PRDM5: variants seen among roughly 807,000 people sequenced by gnomAD.
PRDM5 encodes the protein PR/SET domain 5.
Under a neutral mutation model 81.2 loss-of-function variants are expected in PRDM5, and 56 were observed. That is an observed-to-expected ratio of 0.69 (90% CI 0.56 to 0.86). PRDM5 has a LOEUF of 0.86. Among genes scored for constraint, PRDM5 ranks in the 40% least tolerant of loss-of-function variants. The pLI is 0.00. For synonymous variants in PRDM5, 267 were observed against 256.4 expected (o/e 1.04, Z -0.39); for missense variants, 697 against 770.1 (o/e 0.91, Z 1.12).
chr4:120,721,310 C>A (rs1738568172), intron 14 of PRDM5, among the ~76,000 whole-genome samples: 1 of 152,186 alleles, frequency 6.6e-6, no homozygotes, highest in African/African-American at 2.4e-5. Context: ...ACCTAGGGAT[C>A]TTTTTAAAAA....
chr4:120,892,948 G>A (rs1483307752), intron 2 of PRDM5, among the ~76,000 whole-genome samples: 1 of 152,208 alleles, frequency 6.6e-6, no homozygotes, highest in African/African-American at 2.4e-5. Context: ...CCAGAAGTTG[G>A]CACTAAGCCC....
chr4:120,802,222 T>G (rs1005124479), intron 8 of PRDM5, among the ~76,000 whole-genome samples: 1 of 152,140 alleles, frequency 6.6e-6, no homozygotes, highest in Admixed American at 6.5e-5. Context: ...TAGTGAAAAA[T>G]TCAAGCTAAA....
At chr4:120,747,749 A>T (rs1743350921) in intron 14 of PRDM5, among the ~76,000 whole-genome samples, 1 of 152,246 alleles carries the variant, frequency 6.6e-6, no homozygotes, top group Non-Finnish European at 1.5e-5. Flanking sequence ...TGTTACTTGT[A>T]ACCACTGGCA....
At chr4:120,869,333 T>C (rs1325540326) in intron 2 of PRDM5, among the ~76,000 whole-genome samples, 1 of 152,202 alleles carries the variant, frequency 6.6e-6, no homozygotes, top group African/African-American at 2.4e-5. Flanking sequence ...TGCATACTTT[T>C]TCAGCAGTGT....
chr4:120,911,443 T>C (rs1333294069), intron 1 of PRDM5, among the ~76,000 whole-genome samples: 1 of 152,242 alleles, frequency 6.6e-6, no homozygotes, highest in Admixed American at 6.5e-5. Flanking sequence ...TAATGGAGCA[T>C]CTTTGTTTTT....
intron 13 of PRDM5, among the ~76,000 whole-genome samples, chr4:120,755,391 C>T (rs1230266271): frequency 2.6e-5 from 4 of 152,194 alleles, no homozygotes; most frequent in Non-Finnish European, 4.4e-5. Context: ...CTCAAAATCA[C>T]TAATTGATTT....
Position 120,850,224 on chromosome 4 carries a change from A to C in PRDM5, c.300+3194T>G, listed in dbSNP as rs183135959. ...CATTTACTCCACTCCTGGGATATAC[A>C]GCTCAAATAAAAAATTTCCTGAATA... On this transcript the variant is annotated intron_variant, in intron 3 of 15. Coordinates refer to ENST00000264808, the MANE Select transcript of PRDM5 (RefSeq NM_018699.4). Among the ~76,000 whole-genome samples, 46 of 152,186 alleles carry C rather than the reference A, an allele frequency of 3.0e-4. No individual in the cohort carries two copies. In the East Asian group the frequency reaches 5.8e-3, roughly 19 times the overall value.
intron 3 of PRDM5, among the ~76,000 whole-genome samples, chr4:120,830,807 A>C (rs1756622055): frequency 6.6e-6 from 1 of 152,100 alleles, no homozygotes; most frequent in South Asian, 2.1e-4. Flanking sequence ...GAAACAGTTT[A>C]GTATGATTCC....
At chr4:120,811,518 G>A (rs530673238) in intron 7 of PRDM5, 69 bp from the exon 8 acceptor site, 219 of 941,446 alleles carry the variant, frequency 2.3e-4, no homozygotes, top group Non-Finnish European at 3.5e-4. Flanking sequence ...ATAGTGTTTC[G>A]AGGTGATATG....
In PRDM5 at chr4:120,922,665, G is replaced by A. The variant is rs1022148529; in HGVS notation, c.-57C>T. 26 of 1,558,286 alleles carry A rather than the reference G, an allele frequency of 1.7e-5. No homozygotes were observed. The Admixed American group carries it at 2.5e-4, about 15-fold the overall frequency. ...AACACCGGCGCTTAGCGCCCGGCAGGCGGCACATCGAAATTTGGGGTGCCA... is the reference window on the plus strand; with the variant it reads ...AACACCGGCGCTTAGCGCCCGGCAGACGGCACATCGAAATTTGGGGTGCCA... On this transcript the variant is annotated 5_prime_UTR_variant, in exon 1 of 16. Coordinates refer to ENST00000264808, the MANE Select transcript of PRDM5 (RefSeq NM_018699.4).
chr4:120,741,564 G>T (rs1176275920), intron 14 of PRDM5, among the ~76,000 whole-genome samples: 1 of 151,882 alleles, frequency 6.6e-6, no homozygotes, highest in Non-Finnish European at 1.5e-5. Flanking sequence ...AGGTCAGTGG[G>T]TGCGCGCACT....
chr4:120,741,996 T>C (rs974390724), intron 14 of PRDM5, among the ~76,000 whole-genome samples: 4 of 152,176 alleles, frequency 2.6e-5, no homozygotes, highest in East Asian at 1.9e-4. Context: ...AACAAAAAGA[T>C]AGCAGTAACC....
chr4:120,736,906 A>T (rs538816159), intron 14 of PRDM5, among the ~76,000 whole-genome samples: 36 of 152,214 alleles, frequency 2.4e-4, no homozygotes, highest in Admixed American at 9.8e-4. Flanking sequence ...ATAATTTGCA[A>T]AAGTCTACTT....
chr4:120,879,175 TGTG>T (rs1280739622), intron 2 of PRDM5, among the ~76,000 whole-genome samples: 1 of 152,164 alleles, frequency 6.6e-6, no homozygotes, highest in Admixed American at 6.6e-5. Flanking sequence ...ATAAAGGAAC[TGTG>T]GTACATCCAT....
At chr4:120,893,461 C>T (rs1764281636) in intron 2 of PRDM5, among the ~76,000 whole-genome samples, 1 of 152,188 alleles carries the variant, frequency 6.6e-6, no homozygotes, top group African/African-American at 2.4e-5. Context: ...TGGCCCATCC[C>T]CCAAGACTGC....
At chr4:120,699,191 TA>T (rs1560889989) in intron 15 of PRDM5, among the ~76,000 whole-genome samples, 19,913 of 122,864 alleles carry the variant, frequency 0.16, 2,249 homozygotes, top group East Asian at 0.47. Flanking sequence ...TATATATATA[TA>T]TATATATATA....
At chr4:120,848,404 A>G (rs914773137) in intron 3 of PRDM5, among the ~76,000 whole-genome samples, 1 of 152,172 alleles carries the variant, frequency 6.6e-6, no homozygotes, top group Non-Finnish European at 1.5e-5. Flanking sequence ...GACAATGAAG[A>G]CATATAATCT....
At chr4:120,747,500 C>A (rs558492316) in intron 14 of PRDM5, among the ~76,000 whole-genome samples, 1 of 151,814 alleles carries the variant, frequency 6.6e-6, no homozygotes, top group Non-Finnish European at 1.5e-5. Flanking sequence ...TCAAATCCTA[C>A]ATCAATAGAC....
intron 10 of PRDM5, among the ~76,000 whole-genome samples, chr4:120,794,785 G>A (rs1035307051): frequency 1.2e-4 from 18 of 152,000 alleles, no homozygotes; most frequent in Admixed American, 5.2e-4. Context: ...CACAACACCC[G>A]GCTAATTTTT....
Sources: gnomAD v4.1 joint callset for allele counts (sites outside exome capture counted in the v4.1 genomes callset) on GRCh38, gnomAD v4.1.1 for gene constraint, MANE v1.5 for transcripts, NCBI Gene and HGNC (gene_info 2026-07-23, HGNC 2026-07-21) for gene names.